Variants in ZBBX observed in about 807,000 individuals in gnomAD.
The protein encoded by ZBBX is zinc finger B-box domain containing.
ZBBX carries 101 observed loss-of-function variants against 108.5 expected under a neutral mutation model. The observed-to-expected ratio is 0.93, with a 90% CI of 0.79 to 1.10. The LOEUF (loss-of-function observed/expected upper bound fraction) is 1.10. Among genes scored for constraint, ZBBX ranks in the 50% least tolerant of loss-of-function variants. The pLI is 0.00. For synonymous variants in ZBBX, 356 were observed against 323.4 expected (o/e 1.10, Z -1.08); for missense variants, 1,009 against 941.4 (o/e 1.07, Z -0.94).
chr3:167,297,319 C>A (rs1014200708), intron 18 of ZBBX, among the ~76,000 whole-genome samples: 2 of 151,868 alleles, frequency 1.3e-5, no homozygotes, highest in East Asian at 3.9e-4. Flanking sequence ...ACAAATGGTG[C>A]TGGAAAACTT....
At chr3:167,275,697 G>T (rs1275403696) in intron 20 of ZBBX, among the ~76,000 whole-genome samples, 1 of 149,536 alleles carries the variant, frequency 6.7e-6, no homozygotes, top group Non-Finnish European at 1.5e-5. Flanking sequence ...CAGCGAGGCT[G>T]GGGGAGGGGT....
intron 11 of ZBBX, among the ~76,000 whole-genome samples, chr3:167,323,925 G>A (rs922843597): frequency 9.2e-5 from 14 of 152,022 alleles, no homozygotes; most frequent in Non-Finnish European, 1.9e-4. Flanking sequence ...AGAAGGAAAT[G>A]AGATTTTAGA....
chr3:167,407,496 C>T (rs375665103), intron 1 of ZBBX, among the ~76,000 whole-genome samples: 58 of 151,956 alleles, frequency 3.8e-4, no homozygotes, highest in African/African-American at 1.3e-3. Context: ...TTTTTGACTC[C>T]CCCAAAACTT....
chr3:167,277,695 C>G (rs982044181), intron 20 of ZBBX, among the ~76,000 whole-genome samples: 94 of 152,216 alleles, frequency 6.2e-4, no homozygotes, highest in African/African-American at 2.2e-3. Context: ...ATCAACGAGA[C>G]AGAAAGTCAA....
intron 18 of ZBBX, 32 bp from the exon 19 acceptor site, chr3:167,289,015 G>C (rs2108558654): frequency 6.9e-7 from 1 of 1,455,516 alleles, no homozygotes. Context: ...ATAACATAAA[G>C]TTTGAAAAGA....
intron 1 of ZBBX, among the ~76,000 whole-genome samples, chr3:167,385,394 T>TA (rs1451560651): frequency 6.6e-6 from 1 of 151,974 alleles, no homozygotes; most frequent in Admixed American, 6.6e-5. Flanking sequence ...TTACCGTAAT[T>TA]AGAGTTGGCA....
Position 167,305,865 on chromosome 3 carries a change from G to A in ZBBX, c.1503C>T (p.Ser501=), listed in dbSNP as rs1422670411. The change falls in exon 17 of 22, where the codon TCC becomes TCT. Residue 501 remains serine, a synonymous_variant. Transcript: ENST00000675490. ...SDIEKIEEST[S]FERNLKEKNI... ...TTTTCTCCTTTAAATTTCTTTCAAAGGAGGTGCTTTCCTCAATTTTTTCAA... is the reference window on the plus strand; with the variant it reads ...TTTTCTCCTTTAAATTTCTTTCAAAAGAGGTGCTTTCCTCAATTTTTTCAA... The A allele has an allele frequency of 6.2e-7, 1 of 1,609,642 alleles. No homozygotes were observed. The highest frequency in any genetic ancestry group is 1.3e-5 in the African/African-American group (1 of 74,822).
At chr3:167,250,746 A>G (rs1448200625) in intron 20 of ZBBX, among the ~76,000 whole-genome samples, 1 of 152,048 alleles carries the variant, frequency 6.6e-6, no homozygotes, top group Admixed American at 6.5e-5. Flanking sequence ...TTCAGAGGGG[A>G]GAATGATACC....
chr3:167,243,889 A>T (rs1721120805), intron 20 of ZBBX, among the ~76,000 whole-genome samples: 1 of 151,440 alleles, frequency 6.6e-6, no homozygotes, highest in Non-Finnish European at 1.5e-5. Context: ...AAGTGTCCCT[A>T]AATTTGTTTA....
At chr3:167,297,531 T>C (rs978592692) in intron 18 of ZBBX, among the ~76,000 whole-genome samples, 3 of 151,810 alleles carry the variant, frequency 2.0e-5, no homozygotes, top group African/African-American at 7.2e-5. Flanking sequence ...AGTAGACAAA[T>C]TGGACTTAAT....
intron 1 of ZBBX, among the ~76,000 whole-genome samples, chr3:167,403,632 G>A (rs1013593169): frequency 3.3e-5 from 5 of 151,980 alleles, no homozygotes; most frequent in Non-Finnish European, 7.4e-5. Context: ...AAATGCTTAA[G>A]AGCATTAAAA....
intron 20 of ZBBX, among the ~76,000 whole-genome samples, chr3:167,251,164 A>C (rs1023087986): frequency 2.0e-5 from 3 of 152,156 alleles, no homozygotes; most frequent in Non-Finnish European, 4.4e-5. Flanking sequence ...ACTCCAGGGA[A>C]ATACCATCTC....
At chr3:167,356,321 A>G (rs1309341283) in intron 8 of ZBBX, among the ~76,000 whole-genome samples, 2 of 152,090 alleles carry the variant, frequency 1.3e-5, no homozygotes, top group South Asian at 2.1e-4. Flanking sequence ...TGTAATAAGA[A>G]GAGTATTCTA....
intron 1 of ZBBX, among the ~76,000 whole-genome samples, chr3:167,403,628 T>C (rs1198334002): frequency 6.6e-6 from 1 of 152,074 alleles, no homozygotes; most frequent in East Asian, 1.9e-4. Context: ...AGTAAAATGC[T>C]TAAGAGCATT....
intron 17 of ZBBX, among the ~76,000 whole-genome samples, chr3:167,304,354 T>A (rs1253537126): frequency 6.6e-6 from 1 of 152,200 alleles, no homozygotes; most frequent in Non-Finnish European, 1.5e-5. Flanking sequence ...GTACTCTTCA[T>A]GTTGCCCTGT....
rs1259434475 is a variant in ZBBX, at chr3:167,350,471, A to G, written c.477T>C (p.Ala159=). Residue 159 remains alanine (A), a synonymous_variant, in exon 9 of 22, where the codon GCT becomes GCC. Transcript: ENST00000675490. ...TTAGTGCCCCTTTCTGGTGAACTTT[A>G]GCAAAGCATCCTGAACAATAATCTT... is the stretch of plus-strand genomic sequence containing the variant. ...CGEDYCSGCF[A]KVHQKGALKL... is the part of the protein sequence containing the mutation. 2 of 1,597,386 alleles carry G rather than the reference A, an allele frequency of 1.3e-6. No individual in the cohort carries two copies. The highest frequency in any genetic ancestry group is 1.1e-5 in the South Asian group (1 of 88,180).
chr3:167,255,960 A>C (rs1432323506), intron 20 of ZBBX, among the ~76,000 whole-genome samples: 1 of 151,982 alleles, frequency 6.6e-6, no homozygotes, highest in Admixed American at 6.6e-5. Context: ...ACTCCCCACT[A>C]TACTTCCTAG....
At chr3:167,400,484 G>A (rs1748392139) in intron 1 of ZBBX, among the ~76,000 whole-genome samples, 1 of 152,006 alleles carries the variant, frequency 6.6e-6, no homozygotes, top group South Asian at 2.1e-4. Flanking sequence ...TCATATGCTG[G>A]TTGGCCACTT....
the ZBBX span, among the ~76,000 whole-genome samples, chr3:167,220,570 T>G: frequency 1.3e-5 from 2 of 151,926 alleles, no homozygotes; most frequent in Admixed American, 1.3e-4. Context: ...AAGTTAGGTA[T>G]AGAGGGAGCA....
Sources: allele counts gnomAD v4.1 joint callset (sites outside exome capture counted in the v4.1 genomes callset), GRCh38; gene constraint gnomAD v4.1.1; transcripts MANE v1.5; gene names NCBI Gene and HGNC (gene_info 2026-07-23, HGNC 2026-07-21).